The following SLC60A1 variants were observed in gnomAD, a reference collection of about 807,000 sequenced individuals.
SLC60A1 encodes the protein solute carrier family 60 member 1.
the SLC60A1 span, among the ~76,000 whole-genome samples, chr1:205,588,046 G>T: frequency 6.6e-6 from 1 of 152,158 alleles, no homozygotes. Context: ...TGTCCAGGAG[G>T]AGGCATAGCA....
the SLC60A1 span, chr1:205,584,737 C>T: frequency 6.2e-4 from 457 of 736,618 alleles, 2 homozygotes; most frequent in African/African-American, 7.3e-3. Context: ...TTATTCCTAA[C>T]AGAAAGGTCG....
chr1:205,591,568 C>A, the SLC60A1 span, among the ~76,000 whole-genome samples: 2 of 151,790 alleles, frequency 1.3e-5, no homozygotes, highest in Non-Finnish European at 2.9e-5. Flanking sequence ...GAATCTGAGC[C>A]AAATCTGAGG....
chr1:205,600,567 TTCAAG>T, the SLC60A1 span: 57 of 1,070,014 alleles, frequency 5.3e-5, no homozygotes, highest in Admixed American at 8.6e-4. Flanking sequence ...TCAATGGCTA[TTCAAG>T]TCTTCTCCAC....
At chr1:205,569,056 C>T in the SLC60A1 span, 1 of 1,457,874 alleles carries the variant, frequency 6.9e-7, no homozygotes. Context: ...TCCGCGAGCC[C>T]GTCAGCCTGC....
the SLC60A1 span, among the ~76,000 whole-genome samples, chr1:205,571,239 A>T: frequency 6.6e-6 from 1 of 152,232 alleles, no homozygotes; most frequent in Non-Finnish European, 1.5e-5. Context: ...CAGAGAGGTT[A>T]AGAAACTTGG....
the SLC60A1 span, among the ~76,000 whole-genome samples, chr1:205,577,741 A>T: frequency 6.6e-6 from 1 of 152,094 alleles, no homozygotes; most frequent in Non-Finnish European, 1.5e-5. This position sits in a 1 kb window ranked among gnomAD's most constrained non-coding sequence, Gnocchi z 5.2. Flanking sequence ...ATGCACCCAC[A>T]TGTGCACGCA....
At chr1:205,586,184 G>A in the SLC60A1 span, 1 of 1,613,352 alleles carries the variant, frequency 6.2e-7, no homozygotes, top group South Asian at 1.1e-5. Context: ...AATGAAGCCG[G>A]CCACCATGGT....
the SLC60A1 span, among the ~76,000 whole-genome samples, chr1:205,588,130 A>G: frequency 6.6e-6 from 1 of 152,168 alleles, no homozygotes; most frequent in Non-Finnish European, 1.5e-5. Flanking sequence ...TCCTAGAACA[A>G]GTGACTCCCA....
the SLC60A1 span, chr1:205,592,191 G>T: frequency 1.2e-6 from 2 of 1,613,958 alleles, no homozygotes; most frequent in African/African-American, 2.7e-5. Context: ...CTACAACGTC[G>T]TCTTCCTGTT....
chr1:205,584,405 G>A, the SLC60A1 span, among the ~76,000 whole-genome samples: 2 of 151,656 alleles, frequency 1.3e-5, no homozygotes, highest in Non-Finnish European at 2.9e-5. Flanking sequence ...TATTTTTAAA[G>A]TAGAGAAGGG....
chr1:205,584,537 C>CTT, the SLC60A1 span, among the ~76,000 whole-genome samples: 2,648 of 128,478 alleles, frequency 0.021, 112 homozygotes, highest in African/African-American at 0.075. Flanking sequence ...GGTGATAGTC[C>CTT]TTTTTTTTTT....
chr1:205,582,146 G>A, the SLC60A1 span, among the ~76,000 whole-genome samples: 19 of 152,274 alleles, frequency 1.2e-4, 1 homozygote, highest in African/African-American at 4.6e-4. Context: ...GAAAGAATGC[G>A]GCTTTGGGCC....
chr1:205,583,717 T>G, the SLC60A1 span, among the ~76,000 whole-genome samples: 1 of 152,180 alleles, frequency 6.6e-6, no homozygotes, highest in South Asian at 2.1e-4. Context: ...GCGACAAATA[T>G]CTGTCTTTTC....
At chr1:205,576,360 G>C in the SLC60A1 span, among the ~76,000 whole-genome samples, 3 of 152,204 alleles carry the variant, frequency 2.0e-5, no homozygotes, top group Non-Finnish European at 4.4e-5. Context: ...AAATCCCAGA[G>C]AGTGAGCAAA....
At chr1:205,592,522 A>G in the SLC60A1 span, among the ~76,000 whole-genome samples, 1 of 151,778 alleles carries the variant, frequency 6.6e-6, no homozygotes, top group African/African-American at 2.4e-5. Context: ...TCCTAATGCT[A>G]TCCCTCCCCC....
chr1:205,592,672 C>T, the SLC60A1 span, among the ~76,000 whole-genome samples: 3 of 152,186 alleles, frequency 2.0e-5, no homozygotes, highest in African/African-American at 7.2e-5. Flanking sequence ...GGAGCAGGCC[C>T]ACAGCCGGGG....
chr1:205,569,216 G>A, the SLC60A1 span: 15 of 1,560,154 alleles, frequency 9.6e-6, no homozygotes, highest in Non-Finnish European at 1.3e-5. Context: ...CGCACAGCTC[G>A]CTGCCCCAGA....
chr1:205,598,767 A>G, the SLC60A1 span: 1 of 207,732 alleles, frequency 4.8e-6, no homozygotes, highest in African/African-American at 2.3e-5. Context: ...TCTCATAATA[A>G]AAGAGTAAAA....
the SLC60A1 span, chr1:205,599,047 A>G: frequency 6.4e-7 from 1 of 1,559,606 alleles, no homozygotes. Context: ...AAAACCAGCC[A>G]AGGATGGAGA....
Sources: gnomAD v4.1 joint callset for allele counts (sites outside exome capture counted in the v4.1 genomes callset) on GRCh38, gnomAD v4.1.1 for gene constraint, Gnocchi (gnomAD v3.1) non-coding constraint, MANE v1.5 for transcripts, NCBI Gene and HGNC (gene_info 2026-07-23, HGNC 2026-07-21) for gene names.